The following BOC variants were observed in gnomAD, a reference collection of about 807,000 sequenced individuals.
BOC encodes the protein brother of CDO.
BOC carries 76 observed loss-of-function variants against 112.0 expected under a neutral mutation model. The ratio of observed to expected loss-of-function variants is 0.68; its 90% CI spans 0.56 to 0.82. The LOEUF (loss-of-function observed/expected upper bound fraction) is 0.82. Among genes scored for constraint, BOC ranks in the 40% least tolerant of loss-of-function variants. BOC has a pLI of 0.00. For missense variants in BOC, 1,309 were observed against 1,511.7 expected, an observed-to-expected ratio of 0.87 and a Z score of 2.22; for synonymous variants, 580 against 599.8, an observed-to-expected ratio of 0.97 and a Z score of 0.48.
In BOC at chr3:113,286,682, A is replaced by G. The variant is rs778000174; in HGVS notation, c.3168A>G (p.Pro1056=). ...VWDPPFHSGP[P]CCLGLVPVEE... is the part of the protein sequence containing the mutation. Reference sequence around the variant, plus strand: ...TACTCTTTCTCCCCTCAGGGCCCCCATGCTGCTTGGGCCTTGTGCCAGTTG... The same window carrying G: ...TACTCTTTCTCCCCTCAGGGCCCCCGTGCTGCTTGGGCCTTGTGCCAGTTG... Residue 1056 remains proline (P), a synonymous_variant, in exon 20 of 20, where the codon CCA becomes CCG. Transcript: ENST00000682979. The G allele has an allele frequency of 6.3e-7, 1 of 1,581,048 alleles. No homozygotes were observed. Among genetic ancestry groups the G allele is most frequent in the Non-Finnish European group, 8.6e-7 (1 of 1,165,502 alleles).
At chr3:113,223,989 G>C (rs1482156555) in intron 2 of BOC, among the ~76,000 whole-genome samples, 1 of 152,252 alleles carries the variant, frequency 6.6e-6, no homozygotes, top group African/African-American at 2.4e-5. Context: ...TCCACATCTG[G>C]AAGTATCAGC....
intron 2 of BOC, among the ~76,000 whole-genome samples, chr3:113,217,317 GC>G (rs755979531): frequency 6.6e-6 from 1 of 152,174 alleles, no homozygotes; most frequent in Non-Finnish European, 1.5e-5. Context: ...GGAGTTCCAG[GC>G]CAGCCTGGGC....
chr3:113,267,190 T>C (rs1947579608), intron 4 of BOC, among the ~76,000 whole-genome samples: 1 of 152,162 alleles, frequency 6.6e-6, no homozygotes, highest in Non-Finnish European at 1.5e-5. Flanking sequence ...TATACTCCAT[T>C]AGTTTTATTT....
At chr3:113,233,715 T>G (rs1233283177) in intron 2 of BOC, among the ~76,000 whole-genome samples, 2 of 152,150 alleles carry the variant, frequency 1.3e-5, no homozygotes, top group Non-Finnish European at 2.9e-5. Flanking sequence ...CTGCCTGACA[T>G]GGAATGGGTA....
intron 2 of BOC, among the ~76,000 whole-genome samples, chr3:113,227,322 G>A (rs1052172247): frequency 6.6e-6 from 1 of 152,198 alleles, no homozygotes; most frequent in Non-Finnish European, 1.5e-5. Flanking sequence ...CGCATGGTTG[G>A]TTCTACAGTC....
intron 2 of BOC, among the ~76,000 whole-genome samples, chr3:113,239,088 C>T (rs907574992): frequency 6.6e-5 from 10 of 152,110 alleles, no homozygotes; most frequent in African/African-American, 2.4e-4. Context: ...CAGATACACT[C>T]GATTTGGAAG....
At chr3:113,242,087 A>G (rs1006586463) in intron 2 of BOC, among the ~76,000 whole-genome samples, 1 of 151,936 alleles carries the variant, frequency 6.6e-6, no homozygotes, top group Non-Finnish European at 1.5e-5. Flanking sequence ...GTGTTAAAGA[A>G]CAGCACAATC....
intron 4 of BOC, among the ~76,000 whole-genome samples, chr3:113,267,522 G>A (rs1467736250): frequency 6.6e-6 from 1 of 152,184 alleles, no homozygotes; most frequent in Non-Finnish European, 1.5e-5. Flanking sequence ...GGTGCTGCCT[G>A]TTGTCCTGGC....
intron 2 of BOC, among the ~76,000 whole-genome samples, chr3:113,244,543 T>A (rs1944674857): frequency 6.6e-6 from 1 of 152,250 alleles, no homozygotes; most frequent in African/African-American, 2.4e-5. Context: ...CCACTAGCTC[T>A]GTATGGTTAT....
chr3:113,281,735 G>T, intron 15 of BOC, among the ~76,000 whole-genome samples: 1 of 152,242 alleles, frequency 6.6e-6, no homozygotes, highest in African/African-American at 2.4e-5. Context: ...TAAAGCAGTT[G>T]TATTGCAAAG....
chr3:113,276,916 T>C (rs1045536455), intron 9 of BOC, among the ~76,000 whole-genome samples: 5 of 152,170 alleles, frequency 3.3e-5, no homozygotes, highest in African/African-American at 1.2e-4. Flanking sequence ...AAACCACAAC[T>C]TGAGGCTCCA....
chr3:113,278,903 G>C lies in BOC; in HGVS notation c.1816+120G>C, dbSNP rs1948923600. The C allele has an allele frequency of 6.1e-6, 5 of 814,734 alleles. No homozygotes were observed. The highest frequency in any genetic ancestry group is 9.7e-6 in the Non-Finnish European group (5 of 515,046). The allele number at this position is 814,734 out of a possible 1,614,324, so 50.5% of individuals were successfully genotyped here. A position where few individuals can be genotyped will look rare whatever the true frequency, so the allele number is the denominator to read the frequency against. ...TCCAGGGTTTTTATGACATCTCCCA[G>C]TTAACCACAATGAGGAAATGTAGTT... On this transcript the variant is annotated intron_variant, in intron 11 of 19. Transcript: ENST00000682979. The surrounding 1 kb of genome is among the most constrained non-coding windows in gnomAD (Gnocchi z 4.2).
rs777929200 is a variant in BOC, at chr3:113,284,787, T to G, written c.2895T>G (p.Ser965Arg). Reference sequence around the variant, plus strand: ...TTACTCTTCCTTTTGAGCAGCAGAGTGACACCAGCAGCCTGCTGAGGCAGA... The same window carrying G: ...TTACTCTTCCTTTTGAGCAGCAGAGGGACACCAGCAGCCTGCTGAGGCAGA... ...QHCPGELQQQ[S>R]DTSSLLRQTH... is the part of the protein sequence containing the mutation. The change falls in exon 18 of 20, where the codon AGT becomes AGG. Residue 965 changes from serine to arginine, a missense_variant. Transcript: ENST00000682979. 5 of 1,614,068 alleles carry G rather than the reference T, an allele frequency of 3.1e-6. No homozygotes were observed. The highest frequency in any genetic ancestry group is 4.2e-6 in the Non-Finnish European group (5 of 1,179,976).
At chr3:113,217,096 T>A (rs1939546179) in intron 2 of BOC, among the ~76,000 whole-genome samples, 1 of 152,186 alleles carries the variant, frequency 6.6e-6, no homozygotes, top group South Asian at 2.1e-4. Flanking sequence ...TGGCATCAGG[T>A]GTGGGCTGGC....
At chr3:113,229,799 A>G (rs763401926) in intron 2 of BOC, among the ~76,000 whole-genome samples, 2 of 152,232 alleles carry the variant, frequency 1.3e-5, no homozygotes, top group South Asian at 4.1e-4. Context: ...AAAGTGTTCA[A>G]TTTCAAACAC....
At chr3:113,221,936 G>A (rs1044730993) in intron 2 of BOC, among the ~76,000 whole-genome samples, 1 of 152,060 alleles carries the variant, frequency 6.6e-6, no homozygotes, top group Admixed American at 6.6e-5. Context: ...ACACTGGCTG[G>A]GCAGCCTCCT....
At chr3:113,273,378 G>T in intron 8 of BOC, 37 bp downstream of exon 8, 2 of 1,548,484 alleles carry the variant, frequency 1.3e-6, no homozygotes, top group South Asian at 1.2e-5. Context: ...TCCAGCTGAT[G>T]ATTCACTGAA....
intron 2 of BOC, among the ~76,000 whole-genome samples, chr3:113,242,145 A>C (rs1944390454): frequency 6.6e-6 from 1 of 151,884 alleles, no homozygotes; most frequent in Non-Finnish European, 1.5e-5. Context: ...AGAAAAGAGA[A>C]CGGCCTTCTA....
intron 4 of BOC, among the ~76,000 whole-genome samples, chr3:113,256,780 T>A (rs1946271738): frequency 6.6e-6 from 1 of 151,800 alleles, no homozygotes; most frequent in African/African-American, 2.4e-5. Flanking sequence ...TATATATATA[T>A]GTATAATATA....
Sources: allele counts gnomAD v4.1 joint callset (sites outside exome capture counted in the v4.1 genomes callset), GRCh38; gene constraint gnomAD v4.1.1; non-coding constraint Gnocchi (gnomAD v3.1); transcripts MANE v1.5; gene names NCBI Gene and HGNC (gene_info 2026-07-23, HGNC 2026-07-21).